The following BCKDHB variants were observed in gnomAD, a reference collection of about 807,000 sequenced individuals.
BCKDHB encodes 2-oxoisovalerate dehydrogenase subunit beta, mitochondrial.
BCKDHB carries 41 observed loss-of-function variants against 48.5 expected under a neutral mutation model. The ratio of observed to expected loss-of-function variants is 0.85; its 90% CI spans 0.66 to 1.10. The LOEUF is 1.10. Ranked by LOEUF, BCKDHB falls within the 50% of genes least tolerant of loss-of-function variation. The pLI, the probability that BCKDHB is intolerant of heterozygous loss-of-function variation, is 0.00. For missense variants in BCKDHB, 496 were observed against 494.2 expected (o/e 1.00, Z -0.03); for synonymous variants, 201 against 174.8 (o/e 1.15, Z -1.18).
intron 6 of BCKDHB, among the ~76,000 whole-genome samples, chr6:80,196,968 A>G (rs1252453342): frequency 3.3e-5 from 5 of 152,290 alleles, no homozygotes; most frequent in African/African-American, 1.2e-4. Context: ...TATTTATCTG[A>G]TGCTGAAGTG....
intron 9 of BCKDHB, among the ~76,000 whole-genome samples, chr6:80,281,850 T>C (rs1778208925): frequency 7.5e-6 from 1 of 133,316 alleles, no homozygotes; most frequent in South Asian, 2.4e-4. Flanking sequence ...TAATAAACTC[T>C]AAATGAACTT....
intron 9 of BCKDHB, among the ~76,000 whole-genome samples, chr6:80,311,350 C>T (rs1768148880): frequency 6.6e-6 from 1 of 152,170 alleles, no homozygotes; most frequent in South Asian, 2.1e-4. Flanking sequence ...CGGACTAATA[C>T]AGATGGATAG....
intron 9 of BCKDHB, 153 bp from the exon 10 acceptor site, chr6:80,343,511 T>A (rs1770027721): frequency 1.2e-6 from 1 of 822,074 alleles, no homozygotes; most frequent in Non-Finnish European, 1.9e-6. Context: ...AACATGCTGT[T>A]ACCTGCTTTT....
intron 4 of BCKDHB, 48 bp from the exon 5 acceptor site, chr6:80,168,827 A>C: frequency 6.2e-7 from 1 of 1,601,054 alleles, no homozygotes; most frequent in Non-Finnish European, 8.5e-7. Context: ...GGAGATTGGA[A>C]GGGAAGGACT....
chr6:80,436,769 G>A, the BCKDHB span, among the ~76,000 whole-genome samples: 15 of 152,108 alleles, frequency 9.9e-5, no homozygotes, highest in Non-Finnish European at 1.3e-4. Flanking sequence ...ACTTCTTTCC[G>A]TAAATCCATG....
chr6:80,352,002 G>A, the BCKDHB span, among the ~76,000 whole-genome samples: 260 of 152,012 alleles, frequency 1.7e-3, 1 homozygote, highest in South Asian at 0.021. Flanking sequence ...TGTATTTTTA[G>A]TAGAGACGGG....
chr6:80,226,457 T>C (rs191958378), intron 8 of BCKDHB, among the ~76,000 whole-genome samples: 28 of 152,312 alleles, frequency 1.8e-4, no homozygotes, highest in African/African-American at 6.0e-4. Context: ...AGCCATCTTA[T>C]CAAGCCAGAG....
At chr6:80,353,646 A>G in the BCKDHB span, among the ~76,000 whole-genome samples, 1 of 152,122 alleles carries the variant, frequency 6.6e-6, no homozygotes, top group Non-Finnish European at 1.5e-5. Context: ...CAAGGTCAAG[A>G]GATCAAGACC....
At chr6:80,407,972 A>G in the BCKDHB span, among the ~76,000 whole-genome samples, 14 of 152,242 alleles carry the variant, frequency 9.2e-5, no homozygotes, top group African/African-American at 1.7e-4. Context: ...CCCATTCAGT[A>G]TGATATTGGC....
At chr6:80,267,381 G>T (rs79048064) in intron 8 of BCKDHB, among the ~76,000 whole-genome samples, 12,553 of 152,014 alleles carry the variant, frequency 0.083, 747 homozygotes, top group South Asian at 0.24. Flanking sequence ...AAATGGTTAC[G>T]AGTACATAGA....
the BCKDHB span, among the ~76,000 whole-genome samples, chr6:80,439,489 G>A: frequency 6.6e-6 from 1 of 152,130 alleles, no homozygotes; most frequent in African/African-American, 2.4e-5. Flanking sequence ...GTCATCTGAA[G>A]TAAGTAAGCA....
chr6:80,430,206 G>T, the BCKDHB span, among the ~76,000 whole-genome samples: 3 of 152,158 alleles, frequency 2.0e-5, 1 homozygote, highest in South Asian at 6.2e-4. Flanking sequence ...TGCGTCCCAG[G>T]TATGAAGCTG....
At chr6:80,213,032 G>A (rs1369432637) in intron 8 of BCKDHB, among the ~76,000 whole-genome samples, 2 of 152,202 alleles carry the variant, frequency 1.3e-5, no homozygotes, top group Admixed American at 1.3e-4. Flanking sequence ...CAATGACTGT[G>A]ATAGGATTGG....
chr6:80,319,736 C>T (rs1451413033), intron 9 of BCKDHB, among the ~76,000 whole-genome samples: 1 of 152,148 alleles, frequency 6.6e-6, no homozygotes, highest in East Asian at 1.9e-4. Flanking sequence ...TTGTTCTCTT[C>T]TGTAAATTAT....
At chr6:80,438,586 C>A in the BCKDHB span, among the ~76,000 whole-genome samples, 4 of 152,144 alleles carry the variant, frequency 2.6e-5, no homozygotes, top group South Asian at 4.1e-4. Flanking sequence ...ATTCCTCATA[C>A]CCTCATCAGC....
chr6:80,320,370 G>A (rs1209514126), intron 9 of BCKDHB, among the ~76,000 whole-genome samples: 1 of 152,144 alleles, frequency 6.6e-6, no homozygotes, highest in African/African-American at 2.4e-5. Context: ...TGACATAAAA[G>A]TTAAGAATTT....
chr6:80,163,731 A>G (rs892064937), intron 3 of BCKDHB, among the ~76,000 whole-genome samples: 1 of 152,176 alleles, frequency 6.6e-6, no homozygotes, highest in African/African-American at 2.4e-5. Context: ...CAAAGTAAAC[A>G]TCTCCAAACC....
chr6:80,177,519 A>G lies in BCKDHB; in HGVS notation c.742+6129A>G, dbSNP rs79302370. ...ATGTAGAGGGATACTGAGAAGGTCT[A>G]AATACATCTAAGGAAACAAACATGA... On this transcript the variant is annotated intron_variant, in intron 6 of 9. Transcript: ENST00000320393. Among the ~76,000 whole-genome samples, 1,384 of 152,254 alleles carry G rather than the reference A, an allele frequency of 9.1e-3. 28 individuals are homozygous for G. The highest frequency in any genetic ancestry group is 0.031 in the African/African-American group (1,294 of 41,548).
intron 1 of BCKDHB, among the ~76,000 whole-genome samples, chr6:80,123,923 G>A (rs28778683): frequency 0.012 from 1,785 of 151,890 alleles, 30 homozygotes; most frequent in African/African-American, 0.041. Context: ...GTTATTTCTT[G>A]CCTTCTGCTA....
Sources: allele counts gnomAD v4.1 joint callset (sites outside exome capture counted in the v4.1 genomes callset), GRCh38; gene constraint gnomAD v4.1.1; transcripts MANE v1.5; gene names NCBI Gene and HGNC (gene_info 2026-07-23, HGNC 2026-07-21).